The following ARHGEF7 variants were observed in gnomAD, a reference collection of about 807,000 sequenced individuals.
The protein encoded by ARHGEF7 is Rho guanine nucleotide exchange factor 7.
ARHGEF7 carries 33 observed loss-of-function variants against 109.8 expected under a neutral mutation model. The observed-to-expected ratio is 0.30, with a 90% CI of 0.23 to 0.40. The LOEUF (loss-of-function observed/expected upper bound fraction) is 0.40, where lower values mean the gene tolerates loss of function less well. ARHGEF7 is among the 10% of genes least tolerant of loss of function. The pLI is 1.00. For synonymous variants in ARHGEF7, 458 were observed against 424.6 expected, an observed-to-expected ratio of 1.08 and a Z score of -0.97; for missense variants, 938 against 1,098.5, an observed-to-expected ratio of 0.85 and a Z score of 2.07.
chr13:111,265,617 GA>G (rs1300070761), intron 8 of ARHGEF7: 1 of 456,778 alleles, frequency 2.2e-6, no homozygotes. Context: ...CCTGCCAGCA[GA>G]CACATTTGGG....
intron 8 of ARHGEF7, among the ~76,000 whole-genome samples, chr13:111,252,860 G>A (rs1349709462): frequency 6.6e-6 from 1 of 152,260 alleles, no homozygotes. Flanking sequence ...AGGTATGTAT[G>A]TGAAAGGTTG....
intron 16 of ARHGEF7, among the ~76,000 whole-genome samples, chr13:111,284,032 G>A (rs2092911251): frequency 6.6e-6 from 1 of 152,168 alleles, no homozygotes; most frequent in Non-Finnish European, 1.5e-5. Flanking sequence ...TTAGAAATCT[G>A]TTCTGAGAAG....
Position 111,239,048 on chromosome 13 carries a change from C to T in ARHGEF7, c.760-4824C>T, listed in dbSNP as rs1470973500. On this transcript the variant is annotated intron_variant, in intron 6 of 21. Coordinates refer to ENST00000646102, the MANE Select transcript of ARHGEF7 (RefSeq NM_001354046.2). This position sits in a 1 kb window ranked among gnomAD's most constrained non-coding sequence, Gnocchi z 4.3. ...AGAATGAGTGCCAACAGGGGAAATG[C>T]CAGATGCTTATAAAACCATCAGATC... 6.6e-6 allele frequency among the ~76,000 whole-genome samples: 1 copy of T among 152,082 alleles called. No individual in the cohort carries two copies. Among genetic ancestry groups the T allele is most frequent in the Non-Finnish European group, 1.5e-5 (1 of 68,004 alleles).
chr13:111,245,656 C>T (rs866096853), intron 8 of ARHGEF7, among the ~76,000 whole-genome samples: 1 of 152,192 alleles, frequency 6.6e-6, no homozygotes, highest in Non-Finnish European at 1.5e-5. Context: ...ATCTCCTCTG[C>T]AAAACTTCTT....
chr13:111,193,724 C>G (rs2080170456), intron 2 of ARHGEF7, among the ~76,000 whole-genome samples: 1 of 152,212 alleles, frequency 6.6e-6, no homozygotes, highest in Non-Finnish European at 1.5e-5. Context: ...ATGGCATAAC[C>G]TGCCCTTTGT....
At chr13:111,154,052 G>C in intron 2 of ARHGEF7, 61 bp downstream of exon 2, 1 of 1,491,612 alleles carries the variant, frequency 6.7e-7, no homozygotes, top group Non-Finnish European at 8.9e-7. Flanking sequence ...GGCCCGGGGT[G>C]GGTGCTTCGC....
chr13:111,223,858 A>ATTTTTTTT (rs35652076), intron 5 of ARHGEF7, among the ~76,000 whole-genome samples: 1 of 139,058 alleles, frequency 7.2e-6, no homozygotes, highest in African/African-American at 2.7e-5. Context: ...TTTCTATAGC[A>ATTTTTTTT]TTTTTTTTTT....
At chr13:111,229,044 G>T (rs996517036) in intron 5 of ARHGEF7, among the ~76,000 whole-genome samples, 2 of 152,008 alleles carry the variant, frequency 1.3e-5, no homozygotes, top group Admixed American at 6.5e-5. Context: ...CCCTGTGATG[G>T]TGGAGCTGCC....
At chr13:111,292,065 TCTC>T (rs1241289967) in intron 18 of ARHGEF7, 50 bp from the exon 19 acceptor site, 12 of 1,509,846 alleles carry the variant, frequency 7.9e-6, no homozygotes, top group East Asian at 2.3e-5. Flanking sequence ...TTCCTGTCGT[TCTC>T]CTCCTCACCC....
chr13:111,220,084 G>T (rs943966323), intron 5 of ARHGEF7, among the ~76,000 whole-genome samples: 6 of 152,210 alleles, frequency 3.9e-5, no homozygotes, highest in African/African-American at 1.4e-4. Flanking sequence ...GCTAGGGCAG[G>T]CCCGGTCCAT....
At chr13:111,116,291 C>G (rs1298916992) in intron 1 of ARHGEF7, 1 of 120,690 alleles carries the variant, frequency 8.3e-6, no homozygotes, top group African/African-American at 2.6e-5. Context: ...TGGCACTCTT[C>G]AAGGCTTGTT....
chr13:111,115,573 TG>T lies in ARHGEF7; in HGVS notation c.48del (p.Leu17TrpfsTer19). On this transcript the variant is annotated frameshift_variant, in exon 1 of 22. Coordinates refer to ENST00000646102, the MANE Select transcript of ARHGEF7 (RefSeq NM_001354046.2). LOFTEE classifies it high-confidence loss of function. ...GTTACGTGGCTCATCACTCTGGGGG[TG>T]CTGGAGTCGCCCAAAAAAACCATCT... ...QTVTWLITLG[V>X]LESPKKTISD... 1 of 1,404,732 alleles carries T rather than the reference TG, an allele frequency of 7.1e-7. No individual in the cohort carries two copies. Among genetic ancestry groups the T allele is most frequent in the South Asian group, 1.3e-5 (1 of 74,294 alleles). The allele number at this position is 1,404,732 out of a possible 1,614,324, so 87.0% of individuals were successfully genotyped here. A position where few individuals can be genotyped will look rare whatever the true frequency, so the allele number is the denominator to read the frequency against.
chr13:111,213,437 G>T (rs1426516662), intron 4 of ARHGEF7, among the ~76,000 whole-genome samples: 1 of 152,186 alleles, frequency 6.6e-6, no homozygotes, highest in East Asian at 1.9e-4. Context: ...TTTATACATG[G>T]AACATTCCCG....
At chr13:111,201,009 A>G (rs73622120) in intron 2 of ARHGEF7, among the ~76,000 whole-genome samples, 3,205 of 152,196 alleles carry the variant, frequency 0.021, 100 homozygotes, top group African/African-American at 0.074. Flanking sequence ...TTAAATATTA[A>G]TGAAGTTCGG....
In ARHGEF7 at chr13:111,244,304, A is replaced by T; in HGVS notation, c.950+10A>T. On this transcript the variant is annotated intron_variant, in intron 8 of 21. Coordinates refer to ENST00000646102, the MANE Select transcript of ARHGEF7 (RefSeq NM_001354046.2). ...TAGAAGAATGCACCAAGTAAGTAAG[A>T]TGCTAAAAATTTGCAACACTCAGGT... 6.4e-7 allele frequency: 1 copy of T among 1,554,964 alleles called. No individual in the cohort carries two copies. The highest frequency in any genetic ancestry group is 8.7e-7 in the Non-Finnish European group (1 of 1,143,140).
chr13:111,175,427 G>A (rs1360734837), intron 2 of ARHGEF7, among the ~76,000 whole-genome samples: 1 of 152,228 alleles, frequency 6.6e-6, no homozygotes, highest in South Asian at 2.1e-4. Context: ...CACCTCTCTG[G>A]GGGCCCTCTC....
chr13:111,205,082 A>AG (rs1386212908), intron 2 of ARHGEF7, among the ~76,000 whole-genome samples: 3 of 152,272 alleles, frequency 2.0e-5, no homozygotes, highest in Non-Finnish European at 2.9e-5. Context: ...CCTAATGCCG[A>AG]GGGGGGACCC....
chr13:111,129,587 T>C (rs1419942059), intron 1 of ARHGEF7, among the ~76,000 whole-genome samples: 2 of 152,206 alleles, frequency 1.3e-5, no homozygotes, highest in Non-Finnish European at 2.9e-5. Flanking sequence ...CACCACAAAA[T>C]ATGTACAGAT....
chr13:111,219,645 G>GT (rs550988099), intron 5 of ARHGEF7, among the ~76,000 whole-genome samples: 1,636 of 147,620 alleles, frequency 0.011, 22 homozygotes, highest in African/African-American at 0.034. Flanking sequence ...TCGCCAACTT[G>GT]TTTTTTTTTT....
Sources: allele counts gnomAD v4.1 joint callset (sites outside exome capture counted in the v4.1 genomes callset), GRCh38; gene constraint gnomAD v4.1.1; non-coding constraint Gnocchi (gnomAD v3.1); transcripts MANE v1.5; gene names NCBI Gene and HGNC (gene_info 2026-07-23, HGNC 2026-07-21).